Variants in IFT122 observed in about 807,000 individuals in gnomAD.
IFT122 encodes the protein intraflagellar transport 122.
IFT122 carries 118 observed loss-of-function variants against 161.6 expected under a neutral mutation model. The ratio of observed to expected loss-of-function variants is 0.73; its 90% CI spans 0.63 to 0.85. The LOEUF (loss-of-function observed/expected upper bound fraction) is 0.85, where lower values mean the gene tolerates loss of function less well. Ranked by LOEUF, IFT122 falls within the 40% of genes least tolerant of loss-of-function variation. The probability of loss-of-function intolerance (pLI) is 0.00; values close to 1 mark genes in which losing one functional copy is unlikely to be tolerated. For synonymous variants in IFT122, 550 were observed against 602.4 expected, an observed-to-expected ratio of 0.91 and a Z score of 1.27; for missense variants, 1,381 against 1,579.6, an observed-to-expected ratio of 0.87 and a Z score of 2.13.
chr3:129,506,266 C>T, intron 21 of IFT122, 143 bp from the exon 22 acceptor site: 1 of 895,444 alleles, frequency 1.1e-6, no homozygotes, highest in Non-Finnish European at 1.8e-6. Flanking sequence ...GAAGCGCCAT[C>T]CCAGCAACGA....
chr3:129,460,948 G>C (rs773413328), intron 4 of IFT122: 1 of 1,611,378 alleles, frequency 6.2e-7, no homozygotes, highest in African/African-American at 1.3e-5. Flanking sequence ...AGCACCTAAA[G>C]GCCAAGGTGG....
At chr3:129,515,099 C>T (rs2083320982) in intron 25 of IFT122, 3 of 397,494 alleles carry the variant, frequency 7.5e-6, no homozygotes, top group East Asian at 5.9e-5. Context: ...CTTTCTGCAC[C>T]TTGGGTTCCC....
Position 129,520,272 on chromosome 3 carries a change from T to C in IFT122, c.*7T>C. 6.2e-7 allele frequency: 1 copy of C among 1,605,252 alleles called. No individual in the cohort carries two copies. The highest frequency in any genetic ancestry group is 8.5e-7 in the Non-Finnish European group (1 of 1,178,320). ...GGATGACCCTGGCCCATGACCAGCA[T>C]CCTGGGGACGGCCTGCACCCTCTGC... On this transcript the variant is annotated 3_prime_UTR_variant, in exon 30 of 30. Transcript: ENST00000348417.
intron 17 of IFT122, among the ~76,000 whole-genome samples, chr3:129,492,401 G>A (rs183988967): frequency 3.0e-4 from 45 of 152,278 alleles, no homozygotes; most frequent in Middle Eastern, 3.4e-3. Context: ...TGTGATAGCT[G>A]GGTGAGGCAC....
intron 16 of IFT122, among the ~76,000 whole-genome samples, chr3:129,490,514 A>G (rs1484665336): frequency 1.3e-5 from 2 of 152,214 alleles, no homozygotes; most frequent in African/African-American, 4.8e-5. Flanking sequence ...AAAATGTGTC[A>G]GGTTGAAGGA....
intron 24 of IFT122, chr3:129,512,711 G>GAAGAAGC: frequency 2.2e-6 from 1 of 457,892 alleles, no homozygotes; most frequent in South Asian, 2.2e-5. Context: ...GACTGAAATG[G>GAAGAAGC]AAGAAGCACC....
At chr3:129,504,842 G>A (rs1016167925) in intron 21 of IFT122, among the ~76,000 whole-genome samples, 3 of 152,188 alleles carry the variant, frequency 2.0e-5, no homozygotes, top group Non-Finnish European at 4.4e-5. Context: ...GAAGTGGCAG[G>A]GAGGTAATGT....
intron 1 of IFT122, among the ~76,000 whole-genome samples, chr3:129,443,507 A>T (rs1180320353): frequency 6.6e-6 from 1 of 152,244 alleles, no homozygotes; most frequent in African/African-American, 2.4e-5. Context: ...TCTTGCCCTG[A>T]TGGGCCAGAT....
intron 1 of IFT122, among the ~76,000 whole-genome samples, chr3:129,448,266 C>G (rs112300583): frequency 6.6e-6 from 1 of 152,028 alleles, no homozygotes; most frequent in Non-Finnish European, 1.5e-5. Context: ...GTTTAACAGG[C>G]GAAAGAAAGA....
intron 15 of IFT122, among the ~76,000 whole-genome samples, chr3:129,486,842 C>T (rs1245496567): frequency 6.6e-6 from 1 of 152,158 alleles, no homozygotes; most frequent in Non-Finnish European, 1.5e-5. Context: ...AAAAAGTCAC[C>T]AGCCTAGGAT....
chr3:129,504,524 A>G (rs1351908671), intron 21 of IFT122, 103 bp downstream of exon 21: 3 of 883,018 alleles, frequency 3.4e-6, no homozygotes, highest in Non-Finnish European at 5.7e-6. Flanking sequence ...GTAGATCCCA[A>G]GATAGATGAC....
chr3:129,481,721 C>T (rs765774680), intron 14 of IFT122, 27 bp downstream of exon 14: 1 of 1,611,752 alleles, frequency 6.2e-7, no homozygotes, highest in African/African-American at 1.3e-5. Flanking sequence ...GGCCCAGGGA[C>T]ATCATCCTTT....
At chr3:129,455,769 ATATTG>A (rs1163203243) in intron 3 of IFT122, among the ~76,000 whole-genome samples, 1 of 152,122 alleles carries the variant, frequency 6.6e-6, no homozygotes, top group Non-Finnish European at 1.5e-5. Context: ...TATGTATTAT[ATATTG>A]TATTCTTAAA....
chr3:129,450,042 A>G (rs2074575466), intron 2 of IFT122, 105 bp downstream of exon 2: 1 of 804,094 alleles, frequency 1.2e-6, no homozygotes, highest in Admixed American at 1.9e-5. Flanking sequence ...TAAAAAGGCA[A>G]GGGTGGAAAA....
intron 13 of IFT122, among the ~76,000 whole-genome samples, chr3:129,480,643 G>T (rs1248325088): frequency 6.6e-6 from 1 of 152,152 alleles, no homozygotes; most frequent in African/African-American, 2.4e-5. Context: ...GCCAAGGGGA[G>T]GAAGGGCCGC....
At chr3:129,460,913 CAGTAAG>C in intron 4 of IFT122, 6 of 1,614,066 alleles carry the variant, frequency 3.7e-6, no homozygotes, top group Non-Finnish European at 5.1e-6. Context: ...CTCCACAAAA[CAGTAAG>C]AGTAACAGCC....
intron 23 of IFT122, among the ~76,000 whole-genome samples, chr3:129,509,665 A>G (rs115170621): frequency 6.3e-4 from 96 of 152,380 alleles, no homozygotes; most frequent in African/African-American, 2.2e-3. Flanking sequence ...ATGATGTATA[A>G]CATAACCACA....
intron 6 of IFT122, 75 bp from the exon 7 acceptor site, chr3:129,464,560 G>A (rs58532641): frequency 4.5e-6 from 7 of 1,566,334 alleles, no homozygotes; most frequent in South Asian, 2.2e-5. Context: ...TCAAACCAAG[G>A]CATCATCCTC....
rs372506085 is a variant in IFT122, at chr3:129,520,282, G to A, written c.*17G>A. 4.1e-5 allele frequency: 65 copies of A among 1,592,974 alleles called. No individual in the cohort carries two copies. The highest frequency in any genetic ancestry group is 5.4e-5 in the African/African-American group (4 of 74,686). On this transcript the variant is annotated 3_prime_UTR_variant, in exon 30 of 30. Coordinates refer to ENST00000348417, the MANE Select transcript of IFT122 (RefSeq NM_052989.3). ...GGCCCATGACCAGCATCCTGGGGACGGCCTGCACCCTCTGCCCGCCTTGGG... is the reference window on the plus strand; with the variant it reads ...GGCCCATGACCAGCATCCTGGGGACAGCCTGCACCCTCTGCCCGCCTTGGG...
Sources: gnomAD v4.1 joint callset for allele counts (sites outside exome capture counted in the v4.1 genomes callset) on GRCh38, gnomAD v4.1.1 for gene constraint, MANE v1.5 for transcripts, NCBI Gene and HGNC (gene_info 2026-07-23, HGNC 2026-07-21) for gene names.